The following PPP1R9A variants were observed in gnomAD, a reference collection of about 807,000 sequenced individuals.
The protein encoded by PPP1R9A is neurabin-1.
PPP1R9A carries 59 observed loss-of-function variants against 141.9 expected under a neutral mutation model. That is an observed-to-expected ratio of 0.42 (90% CI 0.34 to 0.52). PPP1R9A has a LOEUF of 0.52. Among genes scored for constraint, PPP1R9A ranks in the 20% least tolerant of loss-of-function variants. PPP1R9A has a pLI of 0.10. For synonymous variants in PPP1R9A, 500 were observed against 569.7 expected (o/e 0.88, Z 1.74); for missense variants, 1,444 against 1,611.9 (o/e 0.90, Z 1.78).
intron 2 of PPP1R9A, among the ~76,000 whole-genome samples, chr7:95,006,086 T>C (rs1803543404): frequency 6.6e-6 from 1 of 152,122 alleles, no homozygotes; most frequent in African/African-American, 2.4e-5. Flanking sequence ...ATGTTCTCTC[T>C]GTAGCCTTAT....
intron 2 of PPP1R9A, among the ~76,000 whole-genome samples, chr7:95,000,380 C>T (rs1435078825): frequency 6.6e-6 from 1 of 152,148 alleles, no homozygotes; most frequent in East Asian, 1.9e-4. Context: ...ACTTCACATA[C>T]ACATATGTTT....
rs113698900 is a variant in PPP1R9A, at chr7:95,074,733, C to T, written c.1396-36526C>T. Among the ~76,000 whole-genome samples the T allele has an allele frequency of 2.3e-4, 35 of 152,178 alleles. 2 individuals carry two copies. Among genetic ancestry groups the T allele is most frequent in the Admixed American group, 6.5e-4 (10 of 15,280 alleles). Reference sequence around the variant, plus strand: ...AGGTGATCCACCCGTCTCGGCCTCCCAAAGTGCTGGGATTACAGGCGTGAT... The same window carrying T: ...AGGTGATCCACCCGTCTCGGCCTCCTAAAGTGCTGGGATTACAGGCGTGAT... On this transcript the variant is annotated intron_variant, in intron 2 of 19. Coordinates refer to ENST00000433360, the MANE Select transcript of PPP1R9A (RefSeq NM_001166160.2).
At position 95,290,838 on chromosome 7, in the gene PPP1R9A, C is replaced by G. The variant is rs1161182410; in HGVS notation, c.*535C>G. 1.3e-5 allele frequency: 2 copies of G among 154,908 alleles called. No individual in the cohort carries two copies. Among genetic ancestry groups the G allele is most frequent in the Non-Finnish European group, 2.9e-5 (2 of 69,740 alleles). The allele number at this position is 154,908 out of a possible 1,614,324, so 9.6% of individuals were successfully genotyped here. A position where few individuals can be genotyped will look rare whatever the true frequency, so the allele number is the denominator to read the frequency against. On this transcript the variant is annotated 3_prime_UTR_variant, in exon 20 of 20. Coordinates refer to ENST00000433360, the MANE Select transcript of PPP1R9A (RefSeq NM_001166160.2). ...TTCTCAGTCTGGACAGTGAGACCAC[C>G]CCGCTGTGGAAACATGGGTGCTCTG...
At chr7:94,990,334 G>A (rs987052555) in intron 2 of PPP1R9A, among the ~76,000 whole-genome samples, 4 of 152,062 alleles carry the variant, frequency 2.6e-5, no homozygotes, top group African/African-American at 4.8e-5. Flanking sequence ...GTTGTCTTAA[G>A]CACTAACATT....
intron 5 of PPP1R9A, among the ~76,000 whole-genome samples, 165 bp downstream of exon 5, chr7:95,162,136 G>A (rs566339774): frequency 2.0e-5 from 3 of 152,140 alleles, no homozygotes; most frequent in Admixed American, 6.5e-5. Context: ...ATTAGTTCAT[G>A]AAAATAGAAT....
chr7:94,951,212 T>C (rs1057383401), intron 2 of PPP1R9A, among the ~76,000 whole-genome samples: 1 of 152,028 alleles, frequency 6.6e-6, no homozygotes, highest in South Asian at 2.1e-4. Flanking sequence ...GAAAAAAAAA[T>C]GCTTATACTT....
At chr7:95,192,004 G>A (rs1163781211) in intron 5 of PPP1R9A, among the ~76,000 whole-genome samples, 2 of 151,860 alleles carry the variant, frequency 1.3e-5, no homozygotes, top group African/African-American at 4.8e-5. Flanking sequence ...GCTGACTATT[G>A]TTATATTTTT....
chr7:95,183,388 C>T (rs1007644258), intron 5 of PPP1R9A, among the ~76,000 whole-genome samples: 3 of 151,294 alleles, frequency 2.0e-5, no homozygotes, highest in African/African-American at 7.3e-5. Context: ...GATCTGCCCA[C>T]CTTGGCCTCC....
chr7:95,133,515 A>T (rs1195189399), intron 4 of PPP1R9A, among the ~76,000 whole-genome samples: 42 of 24,796 alleles, frequency 1.7e-3, no homozygotes, highest in East Asian at 0.023. Context: ...CAGTCGTATT[A>T]TATATATATA....
rs183215835 is a variant in PPP1R9A, at chr7:94,985,802, A to G, written c.1395+74294A>G. 2.6e-3 allele frequency among the ~76,000 whole-genome samples: 396 copies of G among 152,220 alleles called. 2 individuals carry two copies. The highest frequency in any genetic ancestry group is 0.014 in the Middle Eastern group (4 of 294). On this transcript the variant is annotated intron_variant, in intron 2 of 19. Coordinates refer to ENST00000433360, the MANE Select transcript of PPP1R9A (RefSeq NM_001166160.2). Reference sequence around the variant, plus strand: ...CCCCAATTCTTCTCTATTACTCTATAAAAAAATGGAATCATAAAATTTTCT... The same window carrying G: ...CCCCAATTCTTCTCTATTACTCTATGAAAAAATGGAATCATAAAATTTTCT...
chr7:94,954,309 AT>A (rs1015775841), intron 2 of PPP1R9A, among the ~76,000 whole-genome samples: 9 of 151,786 alleles, frequency 5.9e-5, no homozygotes, highest in African/African-American at 2.2e-4. Context: ...GTAAGTATTA[AT>A]TTTTTTACTG....
At chr7:95,220,446 T>G (rs1465439029) in intron 7 of PPP1R9A, among the ~76,000 whole-genome samples, 1 of 152,082 alleles carries the variant, frequency 6.6e-6, no homozygotes, top group African/African-American at 2.4e-5. Flanking sequence ...CAGCAAAAAT[T>G]ACTGCTAATG....
chr7:95,105,957 A>G (rs567846373), intron 2 of PPP1R9A, among the ~76,000 whole-genome samples: 1 of 152,234 alleles, frequency 6.6e-6, no homozygotes, highest in Admixed American at 6.5e-5. Flanking sequence ...TATATTCAAA[A>G]CATGTTTATG....
chr7:95,173,437 A>T (rs191376937), intron 5 of PPP1R9A, among the ~76,000 whole-genome samples: 435 of 152,126 alleles, frequency 2.9e-3, no homozygotes, highest in Non-Finnish European at 3.6e-3. Context: ...ATGAAAAAAA[A>T]TTTTTAATGC....
intron 7 of PPP1R9A, among the ~76,000 whole-genome samples, chr7:95,213,608 G>A (rs1242070657): frequency 6.6e-6 from 1 of 152,096 alleles, no homozygotes; most frequent in Non-Finnish European, 1.5e-5. Context: ...ACAGGTGTGA[G>A]CCTCCACGCC....
At chr7:94,915,269 C>T (rs372338949) in intron 2 of PPP1R9A, among the ~76,000 whole-genome samples, 1 of 151,998 alleles carries the variant, frequency 6.6e-6, no homozygotes, top group African/African-American at 2.4e-5. Flanking sequence ...TTGGGGGCTC[C>T]GAGTCATAGT....
chr7:95,243,956 A>G (rs1245015981), intron 8 of PPP1R9A, among the ~76,000 whole-genome samples: 1 of 152,160 alleles, frequency 6.6e-6, no homozygotes, highest in Non-Finnish European at 1.5e-5. Context: ...GGTCCATACT[A>G]TATAAAACAA....
chr7:95,111,944 G>T (rs905034844), intron 3 of PPP1R9A, among the ~76,000 whole-genome samples: 1 of 151,830 alleles, frequency 6.6e-6, no homozygotes, highest in African/African-American at 2.4e-5. Flanking sequence ...CTGCTGACCC[G>T]TGGGATCAGA....
rs1806537484 is a variant in PPP1R9A at position 95,292,709 on chromosome 7, C to T, written c.*2406C>T. On this transcript the variant is annotated 3_prime_UTR_variant, in exon 20 of 20. Transcript: ENST00000433360. The stretch of plus-strand genomic sequence containing the variant: ...AAGTTAAATTATAGTAATTTTAGGC[C>T]GAAGTGAGTTATTTTAACATTACCA... 1.3e-5 allele frequency: 2 copies of T among 151,948 alleles called. No individual in the cohort carries two copies. Among genetic ancestry groups the T allele is most frequent in the Admixed American group, 6.6e-5 (1 of 15,254 alleles). The allele number at this position is 151,948 out of a possible 1,614,324, so 9.4% of individuals were successfully genotyped here. A position where few individuals can be genotyped will look rare whatever the true frequency, so the allele number is the denominator to read the frequency against.
Sources: allele counts gnomAD v4.1 joint callset (sites outside exome capture counted in the v4.1 genomes callset), GRCh38; gene constraint gnomAD v4.1.1; transcripts MANE v1.5; gene names NCBI Gene and HGNC (gene_info 2026-07-23, HGNC 2026-07-21).